Variants in ATRNL1 observed in about 807,000 individuals in gnomAD.
ATRNL1 encodes attractin like 1.
A neutral mutation model predicts 182.7 loss-of-function variants in ATRNL1; 95 were observed. The observed-to-expected ratio is 0.52, with a 90% confidence interval of 0.44 to 0.62. ATRNL1 has a LOEUF of 0.62. ATRNL1 is among the 20% of genes least tolerant of loss of function. The pLI is 0.00. For synonymous variants in ATRNL1, 576 were observed against 568.3 expected (o/e 1.01, Z -0.19); for missense variants, 1,471 against 1,679.5 (o/e 0.88, Z 2.17).
chr10:115,476,320 G>A (rs901819732), intron 24 of ATRNL1, among the ~76,000 whole-genome samples: 1 of 150,950 alleles, frequency 6.6e-6, no homozygotes, highest in Non-Finnish European at 1.5e-5. Context: ...CTTGTTTTTG[G>A]CATATTTTTT....
intron 5 of ATRNL1, among the ~76,000 whole-genome samples, chr10:115,156,110 AG>A (rs1479723883): frequency 2.6e-5 from 4 of 152,160 alleles, no homozygotes; most frequent in Admixed American, 6.6e-5. Flanking sequence ...GTGAGGAGTC[AG>A]GGGAACAGGG....
At chr10:115,842,878 A>T (rs1324886090) in intron 27 of ATRNL1, among the ~76,000 whole-genome samples, 5 of 152,070 alleles carry the variant, frequency 3.3e-5, no homozygotes, top group Non-Finnish European at 7.4e-5. Context: ...ATGGAAAATA[A>T]CAGTATCCTG....
intron 1 of ATRNL1, among the ~76,000 whole-genome samples, chr10:115,106,042 G>T (rs976718478): frequency 6.6e-6 from 1 of 152,270 alleles, no homozygotes; most frequent in East Asian, 1.9e-4. Context: ...TGGAAAAGCC[G>T]CAGATGTTCA....
In ATRNL1 at chr10:115,945,764, C is replaced by T. The variant is rs1953864048; in HGVS notation, c.*985C>T. 6.6e-6 allele frequency: 1 copy of T among 152,282 alleles called. No individual in the cohort carries two copies. Among genetic ancestry groups the T allele is most frequent in the African/African-American group, 2.4e-5 (1 of 41,540 alleles). 9.4% of individuals were successfully genotyped at this position (152,282 alleles called of 1,614,324 possible). On this transcript the variant is annotated 3_prime_UTR_variant, in exon 29 of 29. Transcript: ENST00000355044. ...AAAATGTATTTTAGAGGCGACATCT[C>T]TCAAGATGACCTGAGTTCCTTCCTG...
chr10:115,374,724 A>G (rs949371792), intron 19 of ATRNL1, among the ~76,000 whole-genome samples: 6 of 151,782 alleles, frequency 4.0e-5, no homozygotes, highest in Non-Finnish European at 1.5e-5. Flanking sequence ...TTCTCATTTG[A>G]ATTATTCTTT....
chr10:115,758,120 C>T (rs953027592), intron 27 of ATRNL1, among the ~76,000 whole-genome samples: 11 of 151,762 alleles, frequency 7.2e-5, no homozygotes, highest in East Asian at 2.0e-4. Flanking sequence ...TTCTTTAGCT[C>T]GAAGGAGTTT....
At chr10:115,788,020 A>C (rs1949437560) in intron 27 of ATRNL1, among the ~76,000 whole-genome samples, 1 of 152,188 alleles carries the variant, frequency 6.6e-6, no homozygotes, top group Admixed American at 6.5e-5. Context: ...TAAGCCACCA[A>C]ATTTGTGTAA....
chr10:115,277,545 A>G (rs914219973), intron 13 of ATRNL1, among the ~76,000 whole-genome samples: 2 of 152,150 alleles, frequency 1.3e-5, no homozygotes, highest in Admixed American at 1.3e-4. Flanking sequence ...GCTCCATTAC[A>G]TGAGAAGGCC....
intron 28 of ATRNL1, among the ~76,000 whole-genome samples, chr10:115,865,395 G>T (rs1200210710): frequency 6.6e-6 from 1 of 152,058 alleles, no homozygotes. Flanking sequence ...ATTTTGTCAG[G>T]ACTCTTTTAT....
intron 24 of ATRNL1, among the ~76,000 whole-genome samples, chr10:115,499,710 A>C (rs569416169): frequency 5.9e-5 from 9 of 152,280 alleles, no homozygotes; most frequent in African/African-American, 1.9e-4. Context: ...CATTCATTTG[A>C]GTTTCTGATT....
At chr10:115,443,156 T>A (rs566007063) in intron 21 of ATRNL1, among the ~76,000 whole-genome samples, 1 of 152,048 alleles carries the variant, frequency 6.6e-6, no homozygotes, top group Non-Finnish European at 1.5e-5. Context: ...AGAAAAGCTA[T>A]TGATGATTAT....
chr10:115,920,279 C>A (rs1282626535), intron 28 of ATRNL1, among the ~76,000 whole-genome samples: 4 of 152,168 alleles, frequency 2.6e-5, no homozygotes, highest in Non-Finnish European at 5.9e-5. Flanking sequence ...CTAAACTCTG[C>A]CTTACCAGTT....
rs537458172 is a variant in ATRNL1 at position 115,268,553 on chromosome 10, A to T, written c.2100+109A>T. 5.9e-5 allele frequency: 44 copies of T among 750,186 alleles called. No homozygotes were observed. The Admixed American group carries it at 6.4e-4, about 11-fold the overall frequency. 46.5% of individuals were successfully genotyped at this position (750,186 alleles called of 1,614,324 possible). A position where few individuals can be genotyped will look rare whatever the true frequency, so the allele number is the denominator to read the frequency against. On this transcript the variant is annotated intron_variant, in intron 13 of 28. Coordinates refer to ENST00000355044, the MANE Select transcript of ATRNL1 (RefSeq NM_207303.4). ...GAAAAAAAGCACTTTACACATTAAG[A>T]CATTTAGAAAGTATATAGGGAATCA...
At chr10:115,169,470 A>G (rs576466845) in intron 7 of ATRNL1, among the ~76,000 whole-genome samples, 2 of 152,174 alleles carry the variant, frequency 1.3e-5, no homozygotes, top group South Asian at 2.1e-4. Context: ...CGGACTTTCA[A>G]AGTGCTGGGA....
At chr10:115,740,303 T>C (rs1593152454) in intron 27 of ATRNL1, among the ~76,000 whole-genome samples, 1 of 152,258 alleles carries the variant, frequency 6.6e-6, no homozygotes, top group East Asian at 1.9e-4. Flanking sequence ...ATAATTTTGT[T>C]TATATTATTA....
intron 21 of ATRNL1, among the ~76,000 whole-genome samples, chr10:115,437,174 A>G (rs80067762): frequency 0.013 from 1,937 of 152,158 alleles, 35 homozygotes; most frequent in African/African-American, 0.043. Context: ...AGAACATGCA[A>G]TGTTTGAGTT....
intron 13 of ATRNL1, among the ~76,000 whole-genome samples, chr10:115,272,613 A>G (rs782492009): frequency 1.2e-4 from 18 of 152,114 alleles, no homozygotes; most frequent in Non-Finnish European, 2.6e-4. Flanking sequence ...TCCCATTTCC[A>G]CCCCTTGATT....
chr10:115,198,888 T>C (rs1848454111), intron 8 of ATRNL1, among the ~76,000 whole-genome samples: 1 of 152,172 alleles, frequency 6.6e-6, no homozygotes, highest in African/African-American at 2.4e-5. Context: ...CTGTACAATG[T>C]TGTTTTCATT....
chr10:115,121,260 A>C (rs1205223392), intron 2 of ATRNL1, among the ~76,000 whole-genome samples: 2 of 152,056 alleles, frequency 1.3e-5, no homozygotes, highest in African/African-American at 2.4e-5. Context: ...CTAGAGGTGC[A>C]TGCCGCCATG....
Sources: allele counts gnomAD v4.1 joint callset (sites outside exome capture counted in the v4.1 genomes callset), GRCh38; gene constraint gnomAD v4.1.1; transcripts MANE v1.5; gene names NCBI Gene and HGNC (gene_info 2026-07-23, HGNC 2026-07-21).